The following TMEM132B variants were observed in gnomAD, a reference collection of about 807,000 sequenced individuals.
The protein encoded by TMEM132B is transmembrane protein 132B.
In TMEM132B, 18 loss-of-function variants were observed where a neutral mutation model predicts 90.8. The observed-to-expected ratio is 0.20, with a 90% confidence interval of 0.14 to 0.29. The LOEUF is 0.29. Among genes scored for constraint, TMEM132B ranks in the 10% least tolerant of loss-of-function variants. TMEM132B has a pLI of 1.00. For missense variants in TMEM132B, 1,096 were observed against 1,326.8 expected (o/e 0.83, Z 2.70); for synonymous variants, 504 against 523.3 (o/e 0.96, Z 0.50).
intron 5 of TMEM132B, among the ~76,000 whole-genome samples, chr12:125,593,742 T>A (rs191823207): frequency 6.6e-6 from 1 of 152,352 alleles, no homozygotes; most frequent in East Asian, 1.9e-4. Flanking sequence ...AGCTTCATAT[T>A]CAAGTTCATT....
chr12:125,295,429 A>G (rs542620373), intron 1 of TMEM132B, among the ~76,000 whole-genome samples: 1 of 151,494 alleles, frequency 6.6e-6, no homozygotes, highest in Admixed American at 6.6e-5. Flanking sequence ...GAAACACTGT[A>G]TGTGGTGGCT....
At chr12:125,272,139 A>G (rs9738107) in intron 1 of TMEM132B, among the ~76,000 whole-genome samples, 24,302 of 152,266 alleles carry the variant, frequency 0.16, 2,511 homozygotes, top group African/African-American at 0.29. Flanking sequence ...GAGAAGGATT[A>G]CAGGAGAATT....
rs182480006 is a variant in TMEM132B, at chr12:125,503,414, A to G, written c.1107-16025A>G. On this transcript the variant is annotated intron_variant, in intron 3 of 8. Transcript: ENST00000682704. The stretch of plus-strand genomic sequence containing the variant: ...TTTTGCTTTTTCATCCTATTGTTTC[A>G]GGCCAATTAGTGGTCTTTTTTCTCA... Among the ~76,000 whole-genome samples, 11 of 152,302 alleles carry G rather than the reference A, an allele frequency of 7.2e-5. No homozygotes were observed. In the East Asian group the frequency reaches 1.7e-3, roughly 24 times the overall value.
chr12:125,482,175 A>G (rs1279064917), intron 3 of TMEM132B, among the ~76,000 whole-genome samples: 1 of 152,250 alleles, frequency 6.6e-6, no homozygotes. Context: ...AGGCAATACC[A>G]TTCAGGACAT....
intron 1 of TMEM132B, among the ~76,000 whole-genome samples, chr12:125,281,963 G>A (rs1016412348): frequency 2.7e-5 from 4 of 147,498 alleles, no homozygotes; most frequent in Admixed American, 6.9e-5. Flanking sequence ...GGGAGGCGGA[G>A]GTTGCAGTGA....
intron 1 of TMEM132B, among the ~76,000 whole-genome samples, chr12:125,241,627 C>T (rs958607186): frequency 7.2e-5 from 11 of 152,068 alleles, no homozygotes; most frequent in South Asian, 2.1e-4. Context: ...AGCATGGTTC[C>T]GCTGGCACCT....
At chr12:125,546,071 A>G (rs1884081672) in intron 4 of TMEM132B, among the ~76,000 whole-genome samples, 1 of 152,230 alleles carries the variant, frequency 6.6e-6, no homozygotes, top group South Asian at 2.1e-4. Flanking sequence ...CACCACTAAA[A>G]TAAAGAAACA....
intron 1 of TMEM132B, among the ~76,000 whole-genome samples, chr12:125,336,567 G>T (rs1013247920): frequency 1.1e-4 from 17 of 152,192 alleles, no homozygotes; most frequent in African/African-American, 4.1e-4. Context: ...TTCGATTTCA[G>T]TAATGAACAG....
chr12:125,385,153 C>T (rs1193879612), intron 2 of TMEM132B, among the ~76,000 whole-genome samples: 2 of 152,184 alleles, frequency 1.3e-5, no homozygotes, highest in Non-Finnish European at 2.9e-5. Flanking sequence ...AAACAAGTTC[C>T]TAACATTTTA....
At chr12:125,190,402 GGAAA>G (rs1957790211) in intron 1 of TMEM132B, among the ~76,000 whole-genome samples, 1 of 149,286 alleles carries the variant, frequency 6.7e-6, no homozygotes, top group Non-Finnish European at 1.5e-5. Context: ...GATGGGGATG[GGAAA>G]GGGGTGGTGA....
chr12:125,514,749 T>C (rs1883064445), intron 3 of TMEM132B, among the ~76,000 whole-genome samples: 1 of 151,918 alleles, frequency 6.6e-6, no homozygotes, highest in African/African-American at 2.4e-5. Flanking sequence ...GATCCCTCCC[T>C]CCCTTCCCTG....
intron 2 of TMEM132B, among the ~76,000 whole-genome samples, chr12:125,389,037 C>T (rs1005454331): frequency 1.3e-5 from 2 of 151,700 alleles, no homozygotes; most frequent in Non-Finnish European, 1.5e-5. Context: ...CACACACACA[C>T]ACACACACAC....
chr12:125,228,723 T>A (rs945771313), intron 1 of TMEM132B, among the ~76,000 whole-genome samples: 32 of 152,202 alleles, frequency 2.1e-4, no homozygotes, highest in African/African-American at 7.5e-4. Context: ...GCCGACCCCC[T>A]GTTGGCTGCT....
At chr12:125,358,148 G>C (rs1361965426) in intron 2 of TMEM132B, among the ~76,000 whole-genome samples, 2 of 151,986 alleles carry the variant, frequency 1.3e-5, no homozygotes, top group African/African-American at 2.4e-5. Flanking sequence ...ACTCTCTATG[G>C]GGGGGAGACA....
chr12:125,303,125 T>C (rs1050098349), intron 1 of TMEM132B, among the ~76,000 whole-genome samples: 2 of 152,036 alleles, frequency 1.3e-5, no homozygotes, highest in African/African-American at 4.8e-5. Context: ...GAATTCTGTA[T>C]CTATTAAGCA....
chr12:125,601,983 C>G (rs1885583487), intron 5 of TMEM132B, among the ~76,000 whole-genome samples: 1 of 152,172 alleles, frequency 6.6e-6, no homozygotes, highest in African/African-American at 2.4e-5. Flanking sequence ...AGCCTATCAA[C>G]CAATAAAAGC....
At chr12:125,218,189 G>A (rs60048111) in intron 1 of TMEM132B, among the ~76,000 whole-genome samples, 2,953 of 152,206 alleles carry the variant, frequency 0.019, 100 homozygotes, top group African/African-American at 0.066. Flanking sequence ...GAGGGTAATG[G>A]ATTGCCTGGG....
At chr12:125,208,881 G>C (rs1202515735) in intron 1 of TMEM132B, among the ~76,000 whole-genome samples, 1 of 152,186 alleles carries the variant, frequency 6.6e-6, no homozygotes, top group East Asian at 1.9e-4. Context: ...AGAAGTGGCT[G>C]CCCTCGTGTG....
chr12:125,230,109 C>T (rs995446570), intron 1 of TMEM132B, among the ~76,000 whole-genome samples: 1 of 152,100 alleles, frequency 6.6e-6, no homozygotes, highest in Non-Finnish European at 1.5e-5. Flanking sequence ...GGACTGGAGC[C>T]CGGGCAGGCA....
Sources: gnomAD v4.1 joint callset for allele counts (sites outside exome capture counted in the v4.1 genomes callset) on GRCh38, gnomAD v4.1.1 for gene constraint, MANE v1.5 for transcripts, NCBI Gene and HGNC (gene_info 2026-07-23, HGNC 2026-07-21) for gene names.